FHIT: variants seen among roughly 807,000 people sequenced by gnomAD.
FHIT encodes bis(5'-adenosyl)-triphosphatase.
In FHIT, 19 loss-of-function variants were observed where a neutral mutation model predicts 17.9. That is an observed-to-expected ratio of 1.06 (90% CI 0.74 to 1.56). The LOEUF is 1.56. FHIT is among the 40% of genes most tolerant of loss of function. The pLI, the probability that FHIT is intolerant of heterozygous loss-of-function variation, is 0.00. For synonymous variants in FHIT, 81 were observed against 69.7 expected, an observed-to-expected ratio of 1.16 and a Z score of -0.81; for missense variants, 248 against 189.2, an observed-to-expected ratio of 1.31 and a Z score of -1.82.
At chr3:60,202,293 C>G (rs995481655) in intron 5 of FHIT, among the ~76,000 whole-genome samples, 1 of 152,210 alleles carries the variant, frequency 6.6e-6, no homozygotes, top group Non-Finnish European at 1.5e-5. Context: ...GATTCTCAGT[C>G]TGAAGTCAAT....
At chr3:60,859,305 C>T (rs1054419694) in intron 3 of FHIT, among the ~76,000 whole-genome samples, 10 of 152,140 alleles carry the variant, frequency 6.6e-5, no homozygotes, top group South Asian at 2.1e-4. Context: ...AGGTAAATTA[C>T]TATGCGTGCA....
At chr3:60,509,680 A>G (rs2107540638) in intron 5 of FHIT, among the ~76,000 whole-genome samples, 1 of 152,316 alleles carries the variant, frequency 6.6e-6, no homozygotes, top group East Asian at 1.9e-4. Flanking sequence ...CTCTAAGCAC[A>G]TTTACATTTT....
Position 60,844,672 on chromosome 3 carries a change from T to C in FHIT, c.-110-22661A>G, listed in dbSNP as rs533239674. Among the ~76,000 whole-genome samples, 6 of 152,320 alleles carry C rather than the reference T, an allele frequency of 3.9e-5. No homozygotes were observed. In the South Asian group the frequency reaches 1.2e-3, roughly 32 times the overall value. Reference sequence around the variant, plus strand: ...TCATAAAAATCACACTTTGGCTTTTTCCTTTCATATGTAATTAATCATATT... The same window carrying C: ...TCATAAAAATCACACTTTGGCTTTTCCCTTTCATATGTAATTAATCATATT... On this transcript the variant is annotated intron_variant, in intron 3 of 9. Transcript: ENST00000492590.
chr3:60,989,325 T>C (rs2107577571), intron 3 of FHIT, among the ~76,000 whole-genome samples: 1 of 152,134 alleles, frequency 6.6e-6, no homozygotes, highest in Non-Finnish European at 1.5e-5. Flanking sequence ...AAATTTTTTT[T>C]CTTTTTTTTT....
intron 5 of FHIT, among the ~76,000 whole-genome samples, chr3:60,210,172 T>C (rs1433895625): frequency 2.0e-5 from 3 of 152,292 alleles, no homozygotes; most frequent in Admixed American, 6.5e-5. Context: ...ATTTGGTATA[T>C]GATAAATATG....
chr3:60,885,956 C>CT (rs11387609), intron 3 of FHIT, among the ~76,000 whole-genome samples: 38,827 of 151,914 alleles, frequency 0.26, 5,716 homozygotes, highest in African/African-American at 0.39. Flanking sequence ...TTTATTTCCC[C>CT]CTCTCCCAAA....
At chr3:59,944,994 G>A (rs146668039) in intron 7 of FHIT, among the ~76,000 whole-genome samples, 1 of 152,258 alleles carries the variant, frequency 6.6e-6, no homozygotes, top group East Asian at 1.9e-4. Flanking sequence ...ATATGTCTAT[G>A]TATGTGTCTT....
chr3:60,690,544 C>A (rs1428524489), intron 4 of FHIT: 6 of 556,264 alleles, frequency 1.1e-5, no homozygotes, highest in Non-Finnish European at 1.8e-5. Flanking sequence ...ACATACAAAC[C>A]CTGGAATAAT....
At position 60,600,905 on chromosome 3, in the gene FHIT, A is replaced by G. The variant is rs58931255; in HGVS notation, c.-17-63926T>C. On this transcript the variant is annotated intron_variant, in intron 4 of 9. Coordinates refer to ENST00000492590, the MANE Select transcript of FHIT (RefSeq NM_002012.4). ...TGCATCCCTCTCATGAGCGGATGCAACAGCCCTGCACCAAGCATGCTTTTT... is the reference window on the plus strand; with the variant it reads ...TGCATCCCTCTCATGAGCGGATGCAGCAGCCCTGCACCAAGCATGCTTTTT... Among the ~76,000 whole-genome samples, 477 of 152,268 alleles carry G rather than the reference A, an allele frequency of 3.1e-3. 3 individuals are homozygous for G. The highest frequency in any genetic ancestry group is 0.011 in the African/African-American group (466 of 41,580).
intron 3 of FHIT, among the ~76,000 whole-genome samples, chr3:60,947,595 G>C (rs1345379688): frequency 6.6e-6 from 1 of 152,176 alleles, no homozygotes; most frequent in Non-Finnish European, 1.5e-5. Context: ...TCTACAATTT[G>C]CGGCTTAACA....
At chr3:60,921,539 T>C (rs1225903846) in intron 3 of FHIT, among the ~76,000 whole-genome samples, 4 of 152,224 alleles carry the variant, frequency 2.6e-5, no homozygotes, top group African/African-American at 9.7e-5. Context: ...TACATGTAAA[T>C]ATATTCATGA....
At chr3:60,406,737 C>A (rs1418186964) in intron 5 of FHIT, among the ~76,000 whole-genome samples, 3 of 152,070 alleles carry the variant, frequency 2.0e-5, no homozygotes, top group African/African-American at 7.2e-5. Context: ...AGCAGCCCAA[C>A]CATTCCATGA....
chr3:61,119,218 T>G (rs531478706), intron 2 of FHIT, among the ~76,000 whole-genome samples: 1 of 151,850 alleles, frequency 6.6e-6, no homozygotes, highest in East Asian at 1.9e-4. Flanking sequence ...GATACTGTGA[T>G]AGTAATTTTT....
At chr3:60,433,053 T>C (rs1258704829) in intron 5 of FHIT, among the ~76,000 whole-genome samples, 2 of 152,024 alleles carry the variant, frequency 1.3e-5, no homozygotes, top group African/African-American at 4.8e-5. Flanking sequence ...CATAACAAAC[T>C]TTATATCTGT....
chr3:60,392,485 G>A (rs557370098), intron 5 of FHIT, among the ~76,000 whole-genome samples: 2 of 152,246 alleles, frequency 1.3e-5, no homozygotes, highest in South Asian at 2.1e-4. Context: ...TAACTGAAGA[G>A]GAAGAAGGAC....
At chr3:60,008,460 A>C (rs866896268) in intron 7 of FHIT, among the ~76,000 whole-genome samples, 1 of 152,154 alleles carries the variant, frequency 6.6e-6, no homozygotes, top group African/African-American at 2.4e-5. Context: ...GCAAAGCAGA[A>C]TTTAAAGCCC....
intron 2 of FHIT, among the ~76,000 whole-genome samples, chr3:61,122,343 C>A (rs1236002590): frequency 6.6e-6 from 1 of 152,160 alleles, no homozygotes; most frequent in Non-Finnish European, 1.5e-5. Context: ...ACACCTTATA[C>A]AAAAATTAAC....
intron 2 of FHIT, among the ~76,000 whole-genome samples, chr3:61,163,044 G>A (rs944920880): frequency 6.6e-6 from 1 of 151,966 alleles, no homozygotes; most frequent in African/African-American, 2.4e-5. Flanking sequence ...TTGGACTAAG[G>A]CTATCAATTT....
At chr3:61,063,288 T>C (rs1301898618) in intron 2 of FHIT, among the ~76,000 whole-genome samples, 2 of 139,074 alleles carry the variant, frequency 1.4e-5, no homozygotes, top group Non-Finnish European at 3.2e-5. Context: ...AAGTGAACCA[T>C]GTACTAGTTC....
Sources: allele counts gnomAD v4.1 joint callset (sites outside exome capture counted in the v4.1 genomes callset), GRCh38; gene constraint gnomAD v4.1.1; transcripts MANE v1.5; gene names NCBI Gene and HGNC (gene_info 2026-07-23, HGNC 2026-07-21).